The following EIF2S1 variants were observed in gnomAD, a reference collection of about 807,000 sequenced individuals.
EIF2S1 encodes eukaryotic translation initiation factor 2 subunit alpha.
Under a neutral mutation model 33.5 loss-of-function variants are expected in EIF2S1, and 5 were observed. The ratio of observed to expected loss-of-function variants is 0.15; its 90% CI spans 0.08 to 0.31. EIF2S1 has a LOEUF of 0.31. EIF2S1 is among the 10% of genes least tolerant of loss of function. The pLI is 1.00. For synonymous variants in EIF2S1, 99 were observed against 127.5 expected, an observed-to-expected ratio of 0.78 and a Z score of 1.51; for missense variants, 191 against 384.6, an observed-to-expected ratio of 0.50 and a Z score of 4.21.
chr14:67,373,777 A>C (rs2085840311), intron 2 of EIF2S1, among the ~76,000 whole-genome samples: 1 of 152,062 alleles, frequency 6.6e-6, no homozygotes, highest in Non-Finnish European at 1.5e-5. Context: ...GAAGATGTTT[A>C]AGCACCTAAC....
chr14:67,365,497 G>GTA (rs1422504257), intron 2 of EIF2S1, among the ~76,000 whole-genome samples: 16 of 152,152 alleles, frequency 1.1e-4, no homozygotes, highest in Non-Finnish European at 2.4e-4. Context: ...ATCCAACATT[G>GTA]TATATCTTGC....
chr14:67,383,641 G>C lies in EIF2S1; in HGVS notation c.*201G>C. 1 of 633,964 alleles carries C rather than the reference G, an allele frequency of 1.6e-6. No homozygotes were observed. The highest frequency in any genetic ancestry group is 2.6e-6 in the Non-Finnish European group (1 of 384,900). 39.3% of individuals were successfully genotyped at this position (633,964 alleles called of 1,614,324 possible). The stretch of plus-strand genomic sequence containing the variant: ...TGTCACACAGTAGCTCCAACACTTT[G>C]AGCATTTTTAAGGGAGTGGCCTCAT... On this transcript the variant is annotated 3_prime_UTR_variant, in exon 8 of 8. Coordinates refer to ENST00000256383, the MANE Select transcript of EIF2S1 (RefSeq NM_004094.5).
At chr14:67,379,915 A>G (rs1398590454) in intron 4 of EIF2S1, among the ~76,000 whole-genome samples, 2 of 151,500 alleles carry the variant, frequency 1.3e-5, no homozygotes, top group East Asian at 1.9e-4. Flanking sequence ...CGGCCTCCCA[A>G]AGTGTCTTTT....
chr14:67,371,481 A>T (rs1378901505), intron 2 of EIF2S1, among the ~76,000 whole-genome samples: 1 of 152,198 alleles, frequency 6.6e-6, no homozygotes, highest in Non-Finnish European at 1.5e-5. Flanking sequence ...GTGGTGCTTA[A>T]TGACAAAGAT....
Position 67,383,502 on chromosome 14 carries a change from TA to T in EIF2S1, c.*63del. The T allele has an allele frequency of 6.3e-7, 1 of 1,599,014 alleles. No individual in the cohort carries two copies. The highest frequency in any genetic ancestry group is 8.5e-7 in the Non-Finnish European group (1 of 1,171,014). Reference sequence around the variant, plus strand: ...AGCAGCGCTTCCTGGCTGTAAATCCTAGACTTGAAAGTTTTCCAGTATTGAA... The same window carrying T: ...AGCAGCGCTTCCTGGCTGTAAATCCTGACTTGAAAGTTTTCCAGTATTGAA... On this transcript the variant is annotated 3_prime_UTR_variant, in exon 8 of 8. Transcript: ENST00000256383.
chr14:67,385,459 A>C lies in EIF2S1; in HGVS notation c.*2019A>C, dbSNP rs1030622584. The C allele has an allele frequency of 4.6e-5, 7 of 151,280 alleles. No individual in the cohort carries two copies. The highest frequency in any genetic ancestry group is 1.7e-4 in the African/African-American group (7 of 41,322). 9.4% of individuals were successfully genotyped at this position (151,280 alleles called of 1,614,324 possible). ...TGTCTCAAAAAAAAAAAAAAAAACC[A>C]AAAATCTTGAATCTCCCATCAAAGC... On this transcript the variant is annotated 3_prime_UTR_variant, in exon 8 of 8. Coordinates refer to ENST00000256383, the MANE Select transcript of EIF2S1 (RefSeq NM_004094.5).
At chr14:67,382,237 TC>T (rs2085891206) in intron 6 of EIF2S1, among the ~76,000 whole-genome samples, 1 of 151,836 alleles carries the variant, frequency 6.6e-6, no homozygotes, top group Non-Finnish European at 1.5e-5. Flanking sequence ...TTGCATTAGA[TC>T]CCTGTGTTGA....
chr14:67,372,110 C>G (rs2085826046), intron 2 of EIF2S1, among the ~76,000 whole-genome samples: 1 of 152,056 alleles, frequency 6.6e-6, no homozygotes, highest in African/African-American at 2.4e-5. Context: ...TTTGTTATCT[C>G]TCACTTCTTT....
In EIF2S1 at chr14:67,364,676, C is replaced by T. The variant is rs1045549825; in HGVS notation, c.-1-91C>T. 57 of 1,310,098 alleles carry T rather than the reference C, an allele frequency of 4.4e-5. No homozygotes were observed. In the East Asian group the frequency reaches 1.3e-3, roughly 29 times the overall value. The allele number at this position is 1,310,098 out of a possible 1,614,324, so 81.2% of individuals were successfully genotyped here. On this transcript the variant is annotated intron_variant, in intron 1 of 7. Coordinates refer to ENST00000256383, the MANE Select transcript of EIF2S1 (RefSeq NM_004094.5). The stretch of plus-strand genomic sequence containing the variant: ...GACTAATAACTATTTTTTTCTTCAT[C>T]TTTTCTTTCAGTGGCAGGATGTGGA...
intron 4 of EIF2S1, among the ~76,000 whole-genome samples, chr14:67,379,654 C>CTTTTTTTTTTTTTTTTTTTTTTTTTTTTT (rs541791101): frequency 2.5e-5 from 3 of 119,956 alleles, no homozygotes; most frequent in East Asian, 5.9e-4. Flanking sequence ...TTTTCTTTTT[C>CTTTTTTTTTTTTTTTTTTTTTTTTTTTTT]TTTTTTTTTT....
rs2085909401 is a variant in EIF2S1, at chr14:67,384,651, G to A, written c.*1211G>A. ...AAGACTAGACTACTCAATATTAAAG[G>A]GTCTGGAAAATAGAAGAGTGTGTTG... On this transcript the variant is annotated 3_prime_UTR_variant, in exon 8 of 8. Transcript: ENST00000256383. 1 of 152,116 alleles carries A rather than the reference G, an allele frequency of 6.6e-6. No homozygotes were observed. The highest frequency in any genetic ancestry group is 6.5e-5 in the Admixed American group (1 of 15,274). The allele number at this position is 152,116 out of a possible 1,614,324, so 9.4% of individuals were successfully genotyped here.
intron 1 of EIF2S1, among the ~76,000 whole-genome samples, chr14:67,361,899 C>T (rs2085744638): frequency 6.6e-6 from 1 of 152,030 alleles, no homozygotes; most frequent in Non-Finnish European, 1.5e-5. Flanking sequence ...TTCTGTTCCA[C>T]CTTTCCTGTT....
chr14:67,370,711 G>A (rs1461900028), intron 2 of EIF2S1, among the ~76,000 whole-genome samples: 1 of 152,134 alleles, frequency 6.6e-6, no homozygotes, highest in Non-Finnish European at 1.5e-5. Flanking sequence ...TGAATTTATT[G>A]TAAAAAATCT....
intron 7 of EIF2S1, among the ~76,000 whole-genome samples, chr14:67,382,881 AAAG>A (rs1432234462): frequency 1.3e-5 from 2 of 151,426 alleles, no homozygotes; most frequent in East Asian, 2.0e-4. Context: ...GTCCAACAAG[AAAG>A]AAGTGTGTGT....
chr14:67,380,736 T>C lies in EIF2S1; in HGVS notation c.551T>C (p.Leu184Ser). 1 of 1,569,306 alleles carries C rather than the reference T, an allele frequency of 6.4e-7. No individual in the cohort carries two copies. The highest frequency in any genetic ancestry group is 8.6e-7 in the Non-Finnish European group (1 of 1,160,220). Residue 184 changes from leucine to serine, a missense_variant, in exon 5 of 8, where the codon TTG becomes TCG. By Grantham distance (145) the Leu-to-Ser change is moderately radical (BLOSUM62 -2). Transcript: ENST00000256383. ...EVLINNINRR[L>S]TPQAVKIRAD... ...CTCATTAATAATATTAATAGGCGCTTGACCCCACAGGCTGTCAAAATTCGA... is the reference window on the plus strand; with the variant it reads ...CTCATTAATAATATTAATAGGCGCTCGACCCCACAGGCTGTCAAAATTCGA...
intron 1 of EIF2S1, among the ~76,000 whole-genome samples, chr14:67,361,139 A>G (rs966195556): frequency 6.6e-6 from 1 of 152,242 alleles, no homozygotes; most frequent in Admixed American, 6.5e-5. Context: ...AACCTAAGAT[A>G]AGGATATATT....
chr14:67,365,722 C>T (rs1161860613), intron 2 of EIF2S1, among the ~76,000 whole-genome samples: 3 of 152,148 alleles, frequency 2.0e-5, no homozygotes, highest in East Asian at 1.9e-4. Context: ...AGTTTTAGGT[C>T]ATTAGTTACC....
rs145778255 is a variant in EIF2S1, at chr14:67,384,000, A to AAG, written c.*563_*564dup. On this transcript the variant is annotated 3_prime_UTR_variant, in exon 8 of 8. Transcript: ENST00000256383. ...TCTCTATAACAGATCCTTTCAAAAG[A>AAG]AGAGTTTTAGAGAAAATAAATTTAA... 7.0e-3 allele frequency: 1,103 copies of AAG among 157,316 alleles called. 2 individuals are homozygous for AAG. Among genetic ancestry groups the AAG allele is most frequent in the Non-Finnish European group, 0.012 (875 of 70,930 alleles). The allele number at this position is 157,316 out of a possible 1,614,324, so 9.7% of individuals were successfully genotyped here.
At chr14:67,383,253 T>C in intron 7 of EIF2S1, 62 bp from the exon 8 acceptor site, 37 of 1,557,992 alleles carry the variant, frequency 2.4e-5, no homozygotes, top group Non-Finnish European at 3.1e-5. Flanking sequence ...AGTAATAGTA[T>C]TGAAATTAAA....
Sources: allele counts gnomAD v4.1 joint callset (sites outside exome capture counted in the v4.1 genomes callset), GRCh38; gene constraint gnomAD v4.1.1; transcripts MANE v1.5; gene names NCBI Gene and HGNC (gene_info 2026-07-23, HGNC 2026-07-21).